NPR3: variants seen among roughly 807,000 people sequenced by gnomAD.
The protein encoded by NPR3 is natriuretic peptide receptor 3.
In NPR3, 34 loss-of-function variants were observed where a neutral mutation model predicts 54.5. The ratio of observed to expected loss-of-function variants is 0.62; its 90% CI spans 0.47 to 0.83. NPR3 has a LOEUF of 0.83. NPR3 is among the 40% of genes least tolerant of loss of function. The probability of loss-of-function intolerance (pLI) is 0.00; values close to 1 mark genes in which losing one functional copy is unlikely to be tolerated. For missense variants in NPR3, 674 were observed against 720.8 expected (o/e 0.94, Z 0.74); for synonymous variants, 289 against 297.1 (o/e 0.97, Z 0.28).
chr5:32,774,073 G>T (rs1044094002), intron 3 of NPR3, among the ~76,000 whole-genome samples: 2 of 152,192 alleles, frequency 1.3e-5, no homozygotes, highest in Non-Finnish European at 2.9e-5. Context: ...ATTGGAGCTT[G>T]GCAGGGAGTA....
rs540192375 is a variant in NPR3, at chr5:32,780,804, G to A, written c.1278G>A (p.Ala426=). Residue 426 remains alanine (A), a synonymous_variant, in exon 5 of 8, where the codon GCG becomes GCA. Transcript: ENST00000265074. ...TGATTGCCATGACTGATGTGGAGGC[G>A]GGCACCCAGGAGGTGAGCACGTGAG... ...FSVIAMTDVE[A]GTQEVIGDYF... 9.0e-6 allele frequency: 14 copies of A among 1,557,908 alleles called. No individual in the cohort carries two copies. Among genetic ancestry groups the A allele is most frequent in the South Asian group, 1.1e-5 (1 of 89,936 alleles).
intron 3 of NPR3, among the ~76,000 whole-genome samples, chr5:32,765,167 T>G (rs1741387121): frequency 6.6e-6 from 1 of 152,214 alleles, no homozygotes; most frequent in Admixed American, 6.5e-5. Flanking sequence ...CATCCCTGTC[T>G]TGGTGTTAAA....
intron 3 of NPR3, among the ~76,000 whole-genome samples, chr5:32,744,059 C>A (rs1453903602): frequency 1.5e-5 from 2 of 137,422 alleles, no homozygotes; most frequent in African/African-American, 2.8e-5. Flanking sequence ...GTGGCATAAT[C>A]CTGGCTCACT....
intron 1 of NPR3, among the ~76,000 whole-genome samples, chr5:32,722,114 G>A (rs750357110): frequency 1.3e-5 from 2 of 152,096 alleles, no homozygotes; most frequent in African/African-American, 2.4e-5. Context: ...GGAAGAGAGA[G>A]AAGGAGATGG....
chr5:32,733,420 G>A (rs912550555), intron 2 of NPR3, among the ~76,000 whole-genome samples: 12 of 152,272 alleles, frequency 7.9e-5, no homozygotes, highest in African/African-American at 2.4e-4. Flanking sequence ...TAAAGGCACC[G>A]ATTGACATTT....
At chr5:32,716,282 C>T in intron 1 of NPR3, 1 of 359,624 alleles carries the variant, frequency 2.8e-6, no homozygotes, top group Non-Finnish European at 5.4e-6. Flanking sequence ...AAAAAGGTTC[C>T]TGTCTCCTAC....
rs139118548 is a variant in NPR3, at chr5:32,737,515, G to T, written c.893-1349G>T. Among the ~76,000 whole-genome samples, 322 of 152,184 alleles carry T rather than the reference G, an allele frequency of 2.1e-3. 3 individuals carry two copies. Among genetic ancestry groups the T allele is most frequent in the African/African-American group, 7.3e-3 (302 of 41,538 alleles). On this transcript the variant is annotated intron_variant, in intron 2 of 7. Coordinates refer to ENST00000265074, the MANE Select transcript of NPR3 (RefSeq NM_001204375.2). ...GACATTCTCACTGCTTAGCTGTTGG[G>T]TTCAAGGCCTCTACCAAGGATGAGG...
intron 3 of NPR3, among the ~76,000 whole-genome samples, chr5:32,751,862 T>C (rs1287762363): frequency 6.6e-6 from 1 of 152,188 alleles, no homozygotes; most frequent in Non-Finnish European, 1.5e-5. Context: ...AAAACAATGC[T>C]CTAATTTCCT....
chr5:32,780,754 G>A lies in NPR3; in HGVS notation c.1228G>A (p.Gly410Arg), dbSNP rs763038297. The A allele has an allele frequency of 2.5e-6, 4 of 1,600,420 alleles. No homozygotes were observed. Among genetic ancestry groups the A allele is most frequent in the East Asian group, 2.2e-5 (1 of 44,808 alleles). Residue 410 changes from glycine (G) to arginine (R), a missense_variant, in exon 5 of 8, where the codon GGA becomes AGA. Transcript: ENST00000265074. ...IAGQVSIDAN[G>R]DRYGDFSVIA... The stretch of plus-strand genomic sequence containing the variant: ...CGGGCAGGTGTCCATAGATGCCAAC[G>A]GAGACCGATATGGGGATTTCTCTGT...
chr5:32,726,610 C>G (rs1178446457), intron 2 of NPR3, among the ~76,000 whole-genome samples: 1 of 152,132 alleles, frequency 6.6e-6, no homozygotes, highest in Non-Finnish European at 1.5e-5. Flanking sequence ...AGTTTAGAGG[C>G]AGTGCATGTG....
At chr5:32,737,426 C>G (rs1384539930) in intron 2 of NPR3, among the ~76,000 whole-genome samples, 3 of 152,174 alleles carry the variant, frequency 2.0e-5, no homozygotes, top group Non-Finnish European at 4.4e-5. Flanking sequence ...GCCACCAGGT[C>G]TTTGTTAAAC....
chr5:32,740,979 A>G (rs1470597148), intron 3 of NPR3, among the ~76,000 whole-genome samples: 1 of 151,886 alleles, frequency 6.6e-6, no homozygotes, highest in Non-Finnish European at 1.5e-5. Context: ...AGTGCTGCTA[A>G]ATGTAGCCTG....
In NPR3 at chr5:32,714,606, C is replaced by CT. The variant is rs372006852; in HGVS notation, c.769+2062dup. Reference sequence around the variant, plus strand: ...AGGTTAGGATTTTACAATTCTTACTCTAAAAAGTATTTCCAACAGTGACCT... The same window carrying CT: ...AGGTTAGGATTTTACAATTCTTACTCTTAAAAAGTATTTCCAACAGTGACCT... On this transcript the variant is annotated intron_variant, in intron 1 of 7. Transcript: ENST00000265074. Among the ~76,000 whole-genome samples the CT allele has an allele frequency of 7.3e-5, 11 of 151,172 alleles. No individual in the cohort carries two copies. In the East Asian group the frequency reaches 2.1e-3, roughly 29 times the overall value.
intron 3 of NPR3, among the ~76,000 whole-genome samples, chr5:32,757,129 A>T (rs1740889536): frequency 6.6e-6 from 1 of 152,094 alleles, no homozygotes; most frequent in Non-Finnish European, 1.5e-5. Flanking sequence ...AGTTTTTTCC[A>T]ATTCTGTGAT....
intron 4 of NPR3, among the ~76,000 whole-genome samples, chr5:32,779,604 C>T (rs1249283643): frequency 1.3e-5 from 2 of 152,106 alleles, no homozygotes; most frequent in Non-Finnish European, 2.9e-5. Context: ...ACACCTAGGC[C>T]AGCCTTTCAG....
rs1742264818 is a variant in NPR3 at position 32,780,171 on chromosome 5, G to A, written c.1196-551G>A. 2.0e-5 allele frequency among the ~76,000 whole-genome samples: 3 copies of A among 152,266 alleles called. No homozygotes were observed. The South Asian group carries it at 6.2e-4, about 32-fold the overall frequency. On this transcript the variant is annotated intron_variant, in intron 4 of 7. Coordinates refer to ENST00000265074, the MANE Select transcript of NPR3 (RefSeq NM_001204375.2). Reference sequence around the variant, plus strand: ...GAGAATGTTTGGATAAACAATTAGCGAAGAACTCAACCAAGATAAAGAAGA... The same window carrying A: ...GAGAATGTTTGGATAAACAATTAGCAAAGAACTCAACCAAGATAAAGAAGA...
At chr5:32,691,070 G>GC in intron 1 of NPR3, among the ~76,000 whole-genome samples, 1 of 152,282 alleles carries the variant, frequency 6.6e-6, no homozygotes, top group South Asian at 2.1e-4. Flanking sequence ...TAGAAGAGCT[G>GC]CCCATCTGAA....
upstream of NPR3, among the ~76,000 whole-genome samples, chr5:32,707,402 G>C (rs1177001640): frequency 1.3e-5 from 2 of 152,084 alleles, no homozygotes; most frequent in Non-Finnish European, 2.9e-5. Flanking sequence ...GCTAAGGAAA[G>C]TAAGAACCTA....
rs1554012346 is a variant in NPR3, at chr5:32,711,566, C to CT, written c.-201dup. 1.9e-5 allele frequency: 21 copies of CT among 1,120,734 alleles called. No homozygotes were observed. The African/African-American group carries it at 2.3e-4, about 12-fold the overall frequency. 69.4% of individuals were successfully genotyped at this position (1,120,734 alleles called of 1,614,324 possible). On this transcript the variant is annotated 5_prime_UTR_variant, in exon 1 of 8. Transcript: ENST00000265074. Reference sequence around the variant, plus strand: ...CGGTGAACTTTTTCTTTTTCTTTTTCTTTTTTTTTTAAGAAAAACTAGTGA... The same window carrying CT: ...CGGTGAACTTTTTCTTTTTCTTTTTCTTTTTTTTTTTAAGAAAAACTAGTGA...
Sources: allele counts gnomAD v4.1 joint callset (sites outside exome capture counted in the v4.1 genomes callset), GRCh38; gene constraint gnomAD v4.1.1; transcripts MANE v1.5; gene names NCBI Gene and HGNC (gene_info 2026-07-23, HGNC 2026-07-21).